NF1: variants seen among roughly 807,000 people sequenced by gnomAD.
NF1 encodes neurofibromin 1, also known as neurofibromin.
A neutral mutation model predicts 325.7 loss-of-function variants in NF1; 122 were observed. That is an observed-to-expected ratio of 0.37 (90% confidence interval 0.32 to 0.44). The LOEUF is 0.44. Ranked by LOEUF, NF1 falls within the 20% of genes least tolerant of loss-of-function variation. The pLI is 1.00. For missense variants in NF1, 2,140 were observed against 3,415.4 expected (o/e 0.63, Z 9.31); for synonymous variants, 1,091 against 1,186.0 (o/e 0.92, Z 1.65).
In NF1 at chr17:31,356,573, T is replaced by G; in HGVS notation, c.7729T>G (p.Tyr2577Asp). 1.2e-6 allele frequency: 2 copies of G among 1,613,714 alleles called. No individual in the cohort carries two copies. The highest frequency in any genetic ancestry group is 1.1e-5 in the South Asian group (1 of 91,080). ...PKMRRVAETD[Y>D]EMETQRISSS... Reference sequence around the variant, plus strand: ...AATGAGGAGAGTAGCAGAAACTGATTATGAAATGGGTGAGAAACAAAGTAT... The same window carrying G: ...AATGAGGAGAGTAGCAGAAACTGATGATGAAATGGGTGAGAAACAAAGTAT... The change falls in exon 52 of 58, where the codon TAT becomes GAT. Residue 2577 changes from tyrosine to aspartate, a missense_variant. Around this residue, in one of 10 missense-constraint regions of NF1, gnomAD observed 522 missense variants for 749.0 expected, o/e 0.70. Coordinates refer to ENST00000358273, the MANE Select transcript of NF1 (RefSeq NM_001042492.3).
At chr17:31,220,045 T>C (rs778274570) in intron 14 of NF1, among the ~76,000 whole-genome samples, 1 of 152,192 alleles carries the variant, frequency 6.6e-6, no homozygotes, top group Non-Finnish European at 1.5e-5. Context: ...TGTGGACATA[T>C]CTCTTAAGTA....
At chr17:31,335,357 G>A (rs1356275098) in intron 40 of NF1, among the ~76,000 whole-genome samples, 1 of 77,490 alleles carries the variant, frequency 1.3e-5, no homozygotes, top group Non-Finnish European at 2.3e-5. Context: ...ATATAGAACT[G>A]TAGAAATCTG....
intron 5 of NF1, among the ~76,000 whole-genome samples, chr17:31,180,586 A>G (rs879896572): frequency 2.0e-5 from 3 of 152,166 alleles, no homozygotes; most frequent in Admixed American, 2.0e-4. Context: ...GGGATTGATC[A>G]AACATATCTC....
intron 57 of NF1, among the ~76,000 whole-genome samples, chr17:31,366,890 GT>G (rs1187441241): frequency 6.6e-6 from 1 of 151,852 alleles, no homozygotes; most frequent in East Asian, 1.9e-4. Context: ...ATTATCCTAT[GT>G]TTAAGGGAGA....
intron 36 of NF1, among the ~76,000 whole-genome samples, chr17:31,289,302 C>A (rs540567691): frequency 6.6e-6 from 1 of 152,254 alleles, no homozygotes; most frequent in African/African-American, 2.4e-5. Flanking sequence ...AAGCAAGGCC[C>A]TGATCATGCA....
At chr17:31,362,311 C>T (rs536128675) in intron 57 of NF1, 4 of 985,314 alleles carry the variant, frequency 4.1e-6, no homozygotes, top group Non-Finnish European at 4.8e-6. Flanking sequence ...TGAATTCCTT[C>T]CTGCTTCCCC....
rs1597834892 is a variant in NF1 at position 31,330,450 on chromosome 17, C to T, written c.5764C>T (p.Leu1922Phe). ...SKTLAANEPH[L>F]TLEFLEECIS... is the part of the protein sequence containing the mutation. ...GACACTGGCAGCCAATGAGCCACAC[C>T]TCACGTTAGAATTTTTGGAAGAGTG... Residue 1922 changes from leucine to phenylalanine, a missense_variant, in exon 39 of 58, where the codon CTC (leucine) becomes TTC (phenylalanine). Physicochemically the swap from Leu to Phe is conservative, Grantham distance 22. Coordinates refer to ENST00000358273, the MANE Select transcript of NF1 (RefSeq NM_001042492.3). The T allele has an allele frequency of 1.9e-6, 3 of 1,613,858 alleles. No homozygotes were observed. Among genetic ancestry groups the T allele is most frequent in the South Asian group, 1.1e-5 (1 of 91,054 alleles).
In NF1 at chr17:31,107,298, T is replaced by C. The variant is rs1303806867; in HGVS notation, c.60+11929T>C. The stretch of plus-strand genomic sequence containing the variant: ...GTTTTTGGCCTCTGATAAGTGAATC[T>C]GGAGTAGGGAATGACAGTGATAGTA... On this transcript the variant is annotated intron_variant, in intron 1 of 57. Coordinates refer to ENST00000358273, the MANE Select transcript of NF1 (RefSeq NM_001042492.3). Among the ~76,000 whole-genome samples the C allele has an allele frequency of 2.0e-5, 3 of 152,218 alleles. No homozygotes were observed. The East Asian group carries it at 5.8e-4, about 29-fold the overall frequency.
At chr17:31,297,157 G>C (rs11655238) in intron 36 of NF1, 2 of 152,084 alleles carry the variant, frequency 1.3e-5, no homozygotes, top group African/African-American at 4.8e-5. Context: ...ACATCTTACC[G>C]TGGTGTCGTC....
intron 1 of NF1, among the ~76,000 whole-genome samples, chr17:31,145,625 TC>T (rs1916532854): frequency 6.6e-6 from 1 of 152,180 alleles, no homozygotes; most frequent in African/African-American, 2.4e-5. Flanking sequence ...TTTTTCCTTT[TC>T]ATAGAATTTG....
rs920891954 is a variant in NF1, at chr17:31,336,095, A to C, written c.6007-238A>C. ...GAAGATAGTATTGATAGAGATTTAA[A>C]ATTTTTGAATACCAATCTCTTAATC... On this transcript the variant is annotated intron_variant, in intron 40 of 57. Transcript: ENST00000358273. The surrounding 1 kb of genome is among the most constrained non-coding windows in gnomAD (Gnocchi z 5.5). 6.6e-6 allele frequency among the ~76,000 whole-genome samples: 1 copy of C among 152,102 alleles called. No homozygotes were observed. The highest frequency in any genetic ancestry group is 2.4e-5 in the African/African-American group (1 of 41,420).
chr17:31,342,895 C>T, intron 47 of NF1, 114 bp from the exon 48 acceptor site: 3 of 1,342,394 alleles, frequency 2.2e-6, no homozygotes, highest in Non-Finnish European at 3.2e-6. Context: ...AATAATTTCT[C>T]TCAAATTGAA....
At chr17:31,294,948 A>G in intron 36 of NF1, 3 of 1,609,070 alleles carry the variant, frequency 1.9e-6, no homozygotes, top group East Asian at 2.2e-5. Flanking sequence ...AGATATGGAC[A>G]TATTTTCCCA....
intron 24 of NF1, 38 bp downstream of exon 24, chr17:31,230,963 A>G (rs1408383543): frequency 6.8e-7 from 1 of 1,470,870 alleles, no homozygotes; most frequent in Non-Finnish European, 9.4e-7. Flanking sequence ...AGTGGGTTTT[A>G]CTGTGAGAGT....
At chr17:31,309,323 G>T (rs1336970751) in intron 36 of NF1, among the ~76,000 whole-genome samples, 1 of 152,090 alleles carries the variant, frequency 6.6e-6, no homozygotes, top group Non-Finnish European at 1.5e-5. Flanking sequence ...CTTTTTACTA[G>T]TACTTCTACC....
chr17:31,232,939 G>T (rs2067140043), intron 26 of NF1, 58 bp downstream of exon 26: 6 of 1,613,488 alleles, frequency 3.7e-6, no homozygotes, highest in Non-Finnish European at 5.1e-6. Context: ...TGGCATGTAA[G>T]AGAAGCAAAA....
chr17:31,162,401 C>T (rs1440442259), intron 3 of NF1, among the ~76,000 whole-genome samples: 3 of 152,194 alleles, frequency 2.0e-5, no homozygotes, highest in African/African-American at 7.2e-5. Context: ...TGCTTTAACC[C>T]TGGAGGTGGA....
intron 40 of NF1, among the ~76,000 whole-genome samples, chr17:31,335,362 A>T (rs2069639546): frequency 2.1e-5 from 2 of 96,418 alleles, no homozygotes; most frequent in African/African-American, 1.0e-4. Flanking sequence ...GAACTGTAGA[A>T]ATCTGGTGAC....
In NF1 at chr17:31,283,919, T is replaced by C. The variant is rs902701262; in HGVS notation, c.4835+18580T>C. 2.0e-5 allele frequency among the ~76,000 whole-genome samples: 3 copies of C among 152,166 alleles called. No homozygotes were observed. In the East Asian group the frequency reaches 5.8e-4, roughly 29 times the overall value. On this transcript the variant is annotated intron_variant, in intron 36 of 57. Coordinates refer to ENST00000358273, the MANE Select transcript of NF1 (RefSeq NM_001042492.3). ...TCTTGAGTGGTTTTGTTTTCTGTGA[T>C]AACTTGGTTTATATAAGTAATCCAC... is the stretch of plus-strand genomic sequence containing the variant.
Sources: gnomAD v4.1 joint callset for allele counts (sites outside exome capture counted in the v4.1 genomes callset) on GRCh38, gnomAD v4.1.1 for gene constraint, gnomAD v4.1.1 regional missense constraint, Gnocchi (gnomAD v3.1) non-coding constraint, MANE v1.5 for transcripts, NCBI Gene and HGNC (gene_info 2026-07-23, HGNC 2026-07-21) for gene names.